GMEB2: variants seen among roughly 807,000 people sequenced by gnomAD.
GMEB2 encodes glucocorticoid modulatory element binding protein 2, also known as glucocorticoid modulatory element-binding protein 2.
A neutral mutation model predicts 45.7 loss-of-function variants in GMEB2; 7 were observed. The observed-to-expected ratio is 0.15, with a 90% CI of 0.09 to 0.29. GMEB2 has a LOEUF of 0.29. Among genes scored for constraint, GMEB2 ranks in the 10% least tolerant of loss-of-function variants. The probability of loss-of-function intolerance (pLI) is 1.00; values close to 1 mark genes in which losing one functional copy is unlikely to be tolerated. For synonymous variants in GMEB2, 322 were observed against 323.6 expected (o/e 1.00, Z 0.05); for missense variants, 582 against 739.2 (o/e 0.79, Z 2.47).
chr20:63,623,713 G>A (rs370211931), intron 1 of GMEB2, among the ~76,000 whole-genome samples: 2 of 151,702 alleles, frequency 1.3e-5, no homozygotes, highest in African/African-American at 4.8e-5. Flanking sequence ...CAGGAGAATC[G>A]CTTGAACCTG....
chr20:63,605,465 G>GT lies in GMEB2; in HGVS notation c.132-626dup, dbSNP rs572800118. Among the ~76,000 whole-genome samples, 314 of 151,344 alleles carry GT rather than the reference G, an allele frequency of 2.1e-3. 1 individual carries two copies. The highest frequency in any genetic ancestry group is 3.4e-3 in the Non-Finnish European group (232 of 67,838). On this transcript the variant is annotated intron_variant, in intron 2 of 9. Coordinates refer to ENST00000370077, the MANE Select transcript of GMEB2 (RefSeq NM_012384.5). ...ACAGAATCACTTGAACCCGAGAGGT[G>GT]TGAGTGGGGATTGTGTCACCGCACT...
At chr20:63,601,717 T>C (rs1334046362) in intron 4 of GMEB2, among the ~76,000 whole-genome samples, 1 of 152,242 alleles carries the variant, frequency 6.6e-6, no homozygotes, top group African/African-American at 2.4e-5. Flanking sequence ...AACGATTTTA[T>C]CTTCTAAGCC....
chr20:63,613,005 A>G (rs1445988464), intron 2 of GMEB2, among the ~76,000 whole-genome samples: 2 of 151,180 alleles, frequency 1.3e-5, no homozygotes, highest in East Asian at 1.9e-4. Flanking sequence ...TCTGTTGCCC[A>G]GGCTGGAGTG....
At chr20:63,590,780 G>A (rs779144761) in intron 9 of GMEB2, 51 bp from the exon 10 acceptor site, 15 of 1,192,660 alleles carry the variant, frequency 1.3e-5, no homozygotes, top group Middle Eastern at 4.4e-4. Flanking sequence ...CATGGATGGC[G>A]GCATGCAGGG....
At chr20:63,591,755 G>A (rs973415890) in intron 9 of GMEB2, among the ~76,000 whole-genome samples, 3 of 152,220 alleles carry the variant, frequency 2.0e-5, no homozygotes, top group Non-Finnish European at 2.9e-5. Context: ...GTGAGCCACC[G>A]CGCCTGGCCT....
At chr20:63,614,675 T>C (rs1569057673) in intron 2 of GMEB2, among the ~76,000 whole-genome samples, 1 of 152,202 alleles carries the variant, frequency 6.6e-6, no homozygotes, top group Non-Finnish European at 1.5e-5. Flanking sequence ...TCCGCCTTCA[T>C]GTTCCATCCT....
Position 63,588,787 on chromosome 20 carries a change from A to G in GMEB2, c.*1302T>C, listed in dbSNP as rs1328833142. On this transcript the variant is annotated 3_prime_UTR_variant, in exon 10 of 10. Transcript: ENST00000370077. ...CTGGCACTCAGGGTCCTCCCGGGAC[A>G]TGCCCTGTTGGAGACGGCAGGAGGC... 2 of 398,604 alleles carry G rather than the reference A, an allele frequency of 5.0e-6. No individual in the cohort carries two copies. The highest frequency in any genetic ancestry group is 4.4e-6 in the Non-Finnish European group (1 of 226,110). The allele number at this position is 398,604 out of a possible 1,614,324, so 24.7% of individuals were successfully genotyped here.
chr20:63,610,539 A>G (rs540692475), intron 2 of GMEB2, among the ~76,000 whole-genome samples: 8 of 152,044 alleles, frequency 5.3e-5, no homozygotes, highest in African/African-American at 1.9e-4. Context: ...AAAACAAAAC[A>G]AAAAAAACAT....
At chr20:63,615,499 A>G (rs2089601868) in intron 2 of GMEB2, among the ~76,000 whole-genome samples, 1 of 151,788 alleles carries the variant, frequency 6.6e-6, no homozygotes, top group Non-Finnish European at 1.5e-5. Flanking sequence ...AATAATTTTT[A>G]TATTTTTTGT....
intron 1 of GMEB2, among the ~76,000 whole-genome samples, chr20:63,623,433 GT>G (rs1451148461): frequency 6.6e-6 from 1 of 152,126 alleles, no homozygotes; most frequent in Non-Finnish European, 1.5e-5. Context: ...CAAATATAAT[GT>G]TTTCACTAGC....
chr20:63,624,339 G>T lies in GMEB2; in HGVS notation c.-58+2617C>A, dbSNP rs568779178. Among the ~76,000 whole-genome samples the T allele has an allele frequency of 3.5e-4, 53 of 151,034 alleles. 2 individuals carry two copies. Among genetic ancestry groups the T allele is most frequent in the African/African-American group, 1.2e-3 (51 of 41,184 alleles). On this transcript the variant is annotated intron_variant, in intron 1 of 9. Transcript: ENST00000370077. ...ACCTACTTGGGAGGCTGAGGCAGGA[G>T]AATCTCTCGAACTCCGGAGGCAGAG... is the stretch of plus-strand genomic sequence containing the variant.
At position 63,619,713 on chromosome 20, in the gene GMEB2, G is replaced by A; in HGVS notation, c.-57-259C>T. On this transcript the variant is annotated intron_variant, in intron 1 of 9. Transcript: ENST00000370077. This position sits in a 1 kb window ranked among gnomAD's most constrained non-coding sequence, Gnocchi z 4.6. Reference sequence around the variant, plus strand: ...AGCACAGAGCCACTCCCTCCACGTGGGGCTCAGAGCAGGAGGACAGGAGGG... The same window carrying A: ...AGCACAGAGCCACTCCCTCCACGTGAGGCTCAGAGCAGGAGGACAGGAGGG... The A allele has an allele frequency of 4.9e-6, 1 of 202,320 alleles. No homozygotes were observed. The highest frequency in any genetic ancestry group is 1.0e-5 in the Non-Finnish European group (1 of 99,266). The allele number at this position is 202,320 out of a possible 1,614,324, so 12.5% of individuals were successfully genotyped here. A position where few individuals can be genotyped will look rare whatever the true frequency, so the allele number is the denominator to read the frequency against.
chr20:63,621,228 G>A (rs928549153), intron 1 of GMEB2, among the ~76,000 whole-genome samples: 5 of 152,084 alleles, frequency 3.3e-5, no homozygotes, highest in Admixed American at 1.3e-4. Flanking sequence ...TAGAACAGAA[G>A]TGACCAGGGG....
intron 2 of GMEB2, among the ~76,000 whole-genome samples, chr20:63,612,447 C>G (rs1423784738): frequency 6.6e-6 from 1 of 152,192 alleles, no homozygotes; most frequent in Non-Finnish European, 1.5e-5. Context: ...CCAGCCACAC[C>G]CAGACCCGAC....
At chr20:63,625,929 G>T (rs1304177870) in intron 1 of GMEB2, among the ~76,000 whole-genome samples, 1 of 152,136 alleles carries the variant, frequency 6.6e-6, no homozygotes, top group Non-Finnish European at 1.5e-5. Flanking sequence ...ATTCTTGACC[G>T]GCACGGTCAA....
At chr20:63,623,924 A>C (rs374293319) in intron 1 of GMEB2, among the ~76,000 whole-genome samples, 280 of 146,212 alleles carry the variant, frequency 1.9e-3, no homozygotes, top group Non-Finnish European at 2.6e-3. Flanking sequence ...AGCCTGGCCA[A>C]CATGGTAAAA....
At chr20:63,600,129 G>A (rs1364743884) in intron 4 of GMEB2, among the ~76,000 whole-genome samples, 6 of 151,748 alleles carry the variant, frequency 4.0e-5, no homozygotes, top group African/African-American at 7.3e-5. Context: ...TGCAACCTCC[G>A]CCTCCCGGGT....
At chr20:63,611,721 A>G (rs1267423971) in intron 2 of GMEB2, among the ~76,000 whole-genome samples, 1 of 152,212 alleles carries the variant, frequency 6.6e-6, no homozygotes, top group Non-Finnish European at 1.5e-5. Context: ...CCAGGGGATC[A>G]AATTGTTTTG....
At chr20:63,604,359 C>T (rs892381363) in intron 3 of GMEB2, among the ~76,000 whole-genome samples, 3 of 152,172 alleles carry the variant, frequency 2.0e-5, no homozygotes, top group East Asian at 1.9e-4. Context: ...GCCTGGGCAA[C>T]AGAACAAGAC....
Sources: allele counts gnomAD v4.1 joint callset (sites outside exome capture counted in the v4.1 genomes callset), GRCh38; gene constraint gnomAD v4.1.1; non-coding constraint Gnocchi (gnomAD v3.1); transcripts MANE v1.5; gene names NCBI Gene and HGNC (gene_info 2026-07-23, HGNC 2026-07-21).